The following ARL17A variants were observed in gnomAD, a reference collection of about 807,000 sequenced individuals.
The protein encoded by ARL17A is ADP-ribosylation factor-like 17-like.
the ARL17A span, among the ~76,000 whole-genome samples, chr17:46,502,297 G>A: frequency 6.6e-6 from 1 of 151,066 alleles, no homozygotes; most frequent in East Asian, 1.9e-4. Flanking sequence ...CTGTTATCTA[G>A]TTTAAGGGTC....
intron 3 of ARL17A, among the ~76,000 whole-genome samples, chr17:46,545,002 C>T (rs1349596412): frequency 1.4e-5 from 2 of 139,882 alleles, no homozygotes; most frequent in African/African-American, 2.7e-5. Context: ...TGTCTGTTTC[C>T]TCATGATGAA....
downstream of ARL17A, chr17:46,548,475 C>T (rs764469385): frequency 1.1e-4 from 120 of 1,141,554 alleles, 3 homozygotes; most frequent in South Asian, 1.4e-3. Context: ...ACACCAATGA[C>T]GAGAGTGATT....
chr17:46,550,771 G>A (rs1239488222), downstream of ARL17A, among the ~76,000 whole-genome samples: 2 of 74,532 alleles, frequency 2.7e-5, no homozygotes, highest in East Asian at 2.4e-4. Context: ...TTAAGAAGTC[G>A]AAAATTTCTC....
intron 3 of ARL17A, among the ~76,000 whole-genome samples, chr17:46,539,142 C>T (rs1383855912): frequency 4.5e-3 from 298 of 65,548 alleles, no homozygotes; most frequent in Non-Finnish European, 9.3e-3. Context: ...ACCTGGGAGG[C>T]GGAGATTGCA....
downstream of ARL17A, chr17:46,549,058 T>A (rs1402062635): frequency 6.2e-7 from 1 of 1,611,992 alleles, no homozygotes; most frequent in Non-Finnish European, 8.5e-7. Flanking sequence ...AAAATACCGC[T>A]TTCACAAAAC....
the ARL17A span, among the ~76,000 whole-genome samples, chr17:46,502,304 G>A: frequency 6.6e-6 from 1 of 150,946 alleles, no homozygotes; most frequent in African/African-American, 2.5e-5. Flanking sequence ...CTAGTTTAAG[G>A]GTCCTTTTAT....
intron 3 of ARL17A, among the ~76,000 whole-genome samples, chr17:46,568,906 T>C (rs2057606968): frequency 7.5e-6 from 1 of 132,778 alleles, no homozygotes; most frequent in Non-Finnish European, 1.6e-5. Flanking sequence ...ACAAAGCAGA[T>C]GTAGAAAAGA....
At chr17:46,528,691 C>T, downstream of ARL17A, 1 of 615,164 alleles carries the variant, frequency 1.6e-6, no homozygotes, top group Non-Finnish European at 2.8e-6. Context: ...CTGCACTGCA[C>T]TCCAGCCTGG....
At chr17:46,548,851 A>C (rs553938756), downstream of ARL17A, 38 of 1,612,388 alleles carry the variant, frequency 2.4e-5, 4 homozygotes, top group African/African-American at 3.8e-4. Context: ...GCCTTCCTTC[A>C]CCCAAGAGCA....
rs1260363892 is a variant in ARL17A, at chr17:46,558,735, G to C, written c.260-1105C>G. On this transcript the variant is annotated intron_variant, in intron 3 of 3. Transcript: ENST00000336125. ...AATACACCTGTGGATCTCTAGCCTT[G>C]AACACCCTTGGATGCTGCTTTAAAT... The C allele has an allele frequency of 6.6e-5, 9 of 136,874 alleles. 1 individual carries two copies. The Admixed American group carries it at 6.6e-4, about 10-fold the overall frequency. 8.5% of individuals were successfully genotyped at this position (136,874 alleles called of 1,614,324 possible).
chr17:46,533,399 C>T (rs1767240778), intron 4 of ARL17A, among the ~76,000 whole-genome samples: 2 of 116,946 alleles, frequency 1.7e-5, no homozygotes, highest in African/African-American at 4.1e-5. Context: ...CCACTCTCAC[C>T]CCCTCCTTTA....
At chr17:46,542,523 A>G (rs1169201026) in intron 3 of ARL17A, among the ~76,000 whole-genome samples, 1 of 146,926 alleles carries the variant, frequency 6.8e-6, no homozygotes, top group Non-Finnish European at 1.5e-5. Flanking sequence ...GGATATATAT[A>G]TAGATATAGA....
downstream of ARL17A, among the ~76,000 whole-genome samples, chr17:46,528,391 GTCT>G (rs2053088924): frequency 4.5e-5 from 2 of 44,090 alleles, no homozygotes; most frequent in Non-Finnish European, 9.1e-5. Context: ...TTGCAAGGGA[GTCT>G]TCTTCAAGGT....
intron 2 of ARL17A, among the ~76,000 whole-genome samples, chr17:46,575,843 G>T (rs1332849007): frequency 5.8e-4 from 1 of 1,724 alleles, no homozygotes; most frequent in East Asian, 2.3e-3. Flanking sequence ...AGCTGGGCAT[G>T]CTGGTGCACG....
At position 46,552,974 on chromosome 17, in the gene ARL17A, G is replaced by C. The variant is rs2056938551; in HGVS notation, c.*4382C>G. Among the ~76,000 whole-genome samples, 1 of 142,430 alleles carries C rather than the reference G, an allele frequency of 7.0e-6. No homozygotes were observed. Among genetic ancestry groups the C allele is most frequent in the African/African-American group, 2.8e-5 (1 of 35,696 alleles). 93.4% of individuals were successfully genotyped at this position (142,430 alleles called of 152,430 possible). ...AGAGGCTGAGGTGGGCGGATCACTGGAGCCCAGGAGGTTGAGGCTACAGTG... is the reference window on the plus strand; with the variant it reads ...AGAGGCTGAGGTGGGCGGATCACTGCAGCCCAGGAGGTTGAGGCTACAGTG... On this transcript the variant is annotated 3_prime_UTR_variant, in exon 4 of 4. Coordinates refer to ENST00000336125, the MANE Select transcript of ARL17A (RefSeq NM_001113738.2).
At chr17:46,502,459 G>A in the ARL17A span, among the ~76,000 whole-genome samples, 2 of 150,888 alleles carry the variant, frequency 1.3e-5, no homozygotes, top group Admixed American at 6.6e-5. Context: ...CCACCACCAC[G>A]CCCTGCTAGT....
intron 3 of ARL17A, among the ~76,000 whole-genome samples, chr17:46,541,846 G>A (rs1238671501): frequency 1.1e-4 from 16 of 150,806 alleles, no homozygotes; most frequent in African/African-American, 7.5e-5. Context: ...CAGCATCTGT[G>A]GACTTTGGTA....
intron 3 of ARL17A, among the ~76,000 whole-genome samples, chr17:46,541,354 T>G (rs1321553543): frequency 1.3e-5 from 2 of 148,862 alleles, no homozygotes; most frequent in Non-Finnish European, 3.0e-5. Context: ...CAGGTTCAAG[T>G]GGTTCTCCTG....
chr17:46,568,800 A>G (rs2057599905), intron 3 of ARL17A, among the ~76,000 whole-genome samples: 1 of 108,138 alleles, frequency 9.2e-6, no homozygotes, highest in South Asian at 3.0e-4. Context: ...AAAAAAAGGA[A>G]AAAAAAAGGC....
Sources: allele counts gnomAD v4.1 joint callset (sites outside exome capture counted in the v4.1 genomes callset), GRCh38; gene constraint gnomAD v4.1.1; transcripts MANE v1.5; gene names NCBI Gene and HGNC (gene_info 2026-07-23, HGNC 2026-07-21).